The following NECAB1 variants were observed in gnomAD, a reference collection of about 807,000 sequenced individuals.
NECAB1 encodes N-terminal EF-hand calcium binding protein 1.
In NECAB1, 29 loss-of-function variants were observed where a neutral mutation model predicts 57.5. That is an observed-to-expected ratio of 0.50 (90% CI 0.38 to 0.69). The LOEUF is 0.69. NECAB1 is among the 30% of genes least tolerant of loss of function. The pLI is 0.00. For missense variants in NECAB1, 372 were observed against 413.8 expected, an observed-to-expected ratio of 0.90 and a Z score of 0.88; for synonymous variants, 142 against 147.7, an observed-to-expected ratio of 0.96 and a Z score of 0.28.
chr8:90,803,098 T>C, intron 2 of NECAB1, among the ~76,000 whole-genome samples: 1 of 152,164 alleles, frequency 6.6e-6, no homozygotes, highest in Non-Finnish European at 1.5e-5. Context: ...TGTTTCACCA[T>C]GTTGGCCAGG....
intron 6 of NECAB1, among the ~76,000 whole-genome samples, chr8:90,917,870 A>ATATATATATATG (rs1554575432): frequency 3.1e-4 from 20 of 64,328 alleles, no homozygotes; most frequent in African/African-American, 8.4e-4. Flanking sequence ...ATATATATAT[A>ATATATATATATG]TGTGTGTGTG....
intron 5 of NECAB1, among the ~76,000 whole-genome samples, chr8:90,910,595 C>A (rs1809807976): frequency 6.6e-6 from 1 of 152,116 alleles, no homozygotes; most frequent in African/African-American, 2.4e-5. Flanking sequence ...CCATCCCTCT[C>A]AATTTTGAGT....
chr8:90,900,401 T>C (rs1212040444), intron 5 of NECAB1, among the ~76,000 whole-genome samples: 2 of 152,220 alleles, frequency 1.3e-5, no homozygotes, highest in African/African-American at 2.4e-5. Flanking sequence ...GATGAACCAG[T>C]GAACACAGAC....
intron 5 of NECAB1, among the ~76,000 whole-genome samples, chr8:90,898,496 A>C (rs1191888997): frequency 6.6e-6 from 1 of 152,208 alleles, no homozygotes; most frequent in Non-Finnish European, 1.5e-5. Flanking sequence ...GACAGTCTCC[A>C]GAAGGCCTAA....
intron 6 of NECAB1, among the ~76,000 whole-genome samples, chr8:90,921,528 C>T (rs749814503): frequency 3.3e-5 from 5 of 151,974 alleles, no homozygotes; most frequent in Admixed American, 6.5e-5. Flanking sequence ...GAAATTAGCC[C>T]GGCATGGTGG....
At chr8:90,836,947 A>G (rs2129734787) in intron 3 of NECAB1, among the ~76,000 whole-genome samples, 1 of 152,350 alleles carries the variant, frequency 6.6e-6, no homozygotes, top group South Asian at 2.1e-4. Context: ...ACTATGATTG[A>G]GGAGCATAAG....
intron 12 of NECAB1, among the ~76,000 whole-genome samples, chr8:90,953,440 G>T (rs1281372867): frequency 1.3e-5 from 2 of 152,172 alleles, no homozygotes; most frequent in Non-Finnish European, 2.9e-5. Context: ...TGTGAATCCA[G>T]GCTCAATACA....
Position 90,852,852 on chromosome 8 carries a change from G to A in NECAB1, c.234-19276G>A, listed in dbSNP as rs1265745720. On this transcript the variant is annotated intron_variant, in intron 3 of 12. Transcript: ENST00000417640. ...TCATTTACCATCCTTCAATTCATTC[G>A]TGCAACCTCATTTTTCCTGAACACT... Among the ~76,000 whole-genome samples the A allele has an allele frequency of 5.3e-5, 8 of 152,068 alleles. 1 individual carries two copies. The South Asian group carries it at 6.2e-4, about 12-fold the overall frequency.
chr8:90,872,305 C>T (rs190704080), intron 4 of NECAB1, 152 bp downstream of exon 4: 4 of 622,442 alleles, frequency 6.4e-6, no homozygotes, highest in East Asian at 3.2e-5. Flanking sequence ...TATCTTTACC[C>T]GTGAATTTTG....
intron 1 of NECAB1, among the ~76,000 whole-genome samples, chr8:90,799,378 A>G (rs1005527284): frequency 5.9e-5 from 9 of 151,758 alleles, no homozygotes; most frequent in African/African-American, 2.2e-4. Context: ...CTCAAGGCCA[A>G]TTTTTTCTCA....
intron 7 of NECAB1, 127 bp from the exon 8 acceptor site, chr8:90,928,096 T>A (rs1257231620): frequency 7.1e-6 from 5 of 706,312 alleles, no homozygotes; most frequent in East Asian, 5.7e-5. Flanking sequence ...GAATACATTT[T>A]AAAAAAATGA....
intron 10 of NECAB1, among the ~76,000 whole-genome samples, chr8:90,947,166 C>A (rs1187651145): frequency 6.6e-6 from 1 of 152,026 alleles, no homozygotes; most frequent in Non-Finnish European, 1.5e-5. Flanking sequence ...CATTTCTTTT[C>A]TGGTTTTCCT....
intron 3 of NECAB1, among the ~76,000 whole-genome samples, chr8:90,834,486 T>C (rs1003906853): frequency 1.3e-5 from 2 of 152,158 alleles, no homozygotes; most frequent in African/African-American, 4.8e-5. Flanking sequence ...CTTCCACTTA[T>C]GTAAGGATAC....
In NECAB1 at chr8:90,852,703, G is replaced by A. The variant is rs116534490; in HGVS notation, c.234-19425G>A. Among the ~76,000 whole-genome samples, 454 of 152,258 alleles carry A rather than the reference G, an allele frequency of 3.0e-3. 3 individuals carry two copies. Among genetic ancestry groups the A allele is most frequent in the African/African-American group, 0.01 (422 of 41,548 alleles). ...GACTTCAGAGGGACAGCTTGACAGT[G>A]TAACTTTGGAGAAGAATCTGGCCAA... is the stretch of plus-strand genomic sequence containing the variant. On this transcript the variant is annotated intron_variant, in intron 3 of 12. Coordinates refer to ENST00000417640, the MANE Select transcript of NECAB1 (RefSeq NM_022351.5).
intron 8 of NECAB1, among the ~76,000 whole-genome samples, chr8:90,929,939 C>T (rs1810367324): frequency 1.3e-5 from 2 of 151,958 alleles, no homozygotes; most frequent in Non-Finnish European, 2.9e-5. Context: ...CGAAGAGGGC[C>T]AGATTATGGA....
At chr8:90,938,384 A>G (rs1019822817) in intron 9 of NECAB1, among the ~76,000 whole-genome samples, 9 of 152,210 alleles carry the variant, frequency 5.9e-5, no homozygotes, top group Admixed American at 3.3e-4. Context: ...AGCTAACTAT[A>G]TCTTGGGATC....
intron 6 of NECAB1, among the ~76,000 whole-genome samples, chr8:90,917,961 CATAT>C (rs1563533440): frequency 2.6e-5 from 1 of 38,266 alleles, no homozygotes; most frequent in African/African-American, 6.5e-4. Flanking sequence ...TACACACACA[CATAT>C]GTGTGTGTGT....
At position 90,922,486 on chromosome 8, in the gene NECAB1, ATTTTTT is replaced by A. The variant is rs577951495; in HGVS notation, c.495-3030_495-3025del. On this transcript the variant is annotated intron_variant, in intron 6 of 12. Transcript: ENST00000417640. ...ACCACCAAAGCTGCCAAAAACTTGG[ATTTTTT>A]TTTTTTTTTTTTTTTTTTGAGATGG... Among the ~76,000 whole-genome samples the A allele has an allele frequency of 7.8e-4, 45 of 57,514 alleles. 4 individuals are homozygous for A. In the South Asian group the frequency reaches 0.025, roughly 32 times the overall value. 37.7% of individuals were successfully genotyped at this position (57,514 alleles called of 152,430 possible).
chr8:90,910,866 C>A (rs115779913), intron 5 of NECAB1, among the ~76,000 whole-genome samples: 1,891 of 152,236 alleles, frequency 0.012, 38 homozygotes, highest in African/African-American at 0.043. Context: ...TGTCTCATAA[C>A]CCATTGTGTT....
Sources: gnomAD v4.1 joint callset for allele counts (sites outside exome capture counted in the v4.1 genomes callset) on GRCh38, gnomAD v4.1.1 for gene constraint, MANE v1.5 for transcripts, NCBI Gene and HGNC (gene_info 2026-07-23, HGNC 2026-07-21) for gene names.